Variants in FBXL7 observed in about 807,000 individuals in gnomAD.
The protein encoded by FBXL7 is F-box and leucine rich repeat protein 7.
Under a neutral mutation model 38.3 loss-of-function variants are expected in FBXL7, and 12 were observed. The observed-to-expected ratio is 0.31, with a 90% confidence interval of 0.20 to 0.51. The LOEUF (loss-of-function observed/expected upper bound fraction) is 0.51. FBXL7 is among the 20% of genes least tolerant of loss of function. The probability of loss-of-function intolerance (pLI) is 0.98; values close to 1 mark genes in which losing one functional copy is unlikely to be tolerated. For missense variants in FBXL7, 567 were observed against 676.4 expected, an observed-to-expected ratio of 0.84 and a Z score of 1.79; for synonymous variants, 297 against 300.9, an observed-to-expected ratio of 0.99 and a Z score of 0.13.
At chr5:15,511,098 C>CT (rs1736784728) in intron 1 of FBXL7, among the ~76,000 whole-genome samples, 1 of 152,198 alleles carries the variant, frequency 6.6e-6, no homozygotes, top group African/African-American at 2.4e-5. Flanking sequence ...ATTGCAGTGA[C>CT]TGAGAAGTGG....
chr5:15,686,483 T>A (rs1743020078), intron 2 of FBXL7, among the ~76,000 whole-genome samples: 2 of 152,198 alleles, frequency 1.3e-5, no homozygotes, highest in African/African-American at 4.8e-5. Flanking sequence ...TCACCCCATC[T>A]TGTTTGGAAA....
At chr5:15,705,975 C>T (rs948585893) in intron 2 of FBXL7, among the ~76,000 whole-genome samples, 1 of 151,896 alleles carries the variant, frequency 6.6e-6, no homozygotes, top group African/African-American at 2.4e-5. Flanking sequence ...AACAATTAAG[C>T]TCTGTGAAGA....
At chr5:15,817,930 A>T (rs1257003488) in intron 2 of FBXL7, among the ~76,000 whole-genome samples, 2 of 152,212 alleles carry the variant, frequency 1.3e-5, no homozygotes, top group Admixed American at 6.5e-5. Flanking sequence ...CCTTAGAGCA[A>T]TTCCATACAA....
At chr5:15,896,275 C>G (rs1741102013) in intron 2 of FBXL7, among the ~76,000 whole-genome samples, 1 of 152,154 alleles carries the variant, frequency 6.6e-6, no homozygotes, top group South Asian at 2.1e-4. Context: ...ATCCACCCAC[C>G]TCGTCTACTT....
chr5:15,746,603 A>C (rs1432422125), intron 2 of FBXL7, among the ~76,000 whole-genome samples: 1 of 151,888 alleles, frequency 6.6e-6, no homozygotes, highest in African/African-American at 2.4e-5. Flanking sequence ...CTTATGACCT[A>C]ATCACCTCCC....
Position 15,520,416 on chromosome 5 carries a change from A to G in FBXL7, c.37+19703A>G, listed in dbSNP as rs141070687. On this transcript the variant is annotated intron_variant, in intron 1 of 3. Transcript: ENST00000504595. ...ATAGTTCTAAAGTTGGCGGGGGAGA[A>G]TTTCATTGTTCTGAGAGCCCTCAAT... is the stretch of plus-strand genomic sequence containing the variant. Among the ~76,000 whole-genome samples, 213 of 152,326 alleles carry G rather than the reference A, an allele frequency of 1.4e-3. 1 individual carries two copies. The highest frequency in any genetic ancestry group is 5.1e-3 in the African/African-American group (211 of 41,578).
intron 2 of FBXL7, among the ~76,000 whole-genome samples, chr5:15,625,313 A>G (rs1028451960): frequency 3.3e-5 from 5 of 152,176 alleles, no homozygotes; most frequent in African/African-American, 1.2e-4. Context: ...AGTATATGTA[A>G]TAAAAAATTA....
At chr5:15,659,612 A>G (rs1157894768) in intron 2 of FBXL7, among the ~76,000 whole-genome samples, 1 of 152,256 alleles carries the variant, frequency 6.6e-6, no homozygotes, top group African/African-American at 2.4e-5. Context: ...AAGGATATTT[A>G]TCACAGCCCT....
At chr5:15,735,155 A>G (rs1053438960) in intron 2 of FBXL7, among the ~76,000 whole-genome samples, 1 of 151,208 alleles carries the variant, frequency 6.6e-6, no homozygotes, top group African/African-American at 2.4e-5. Context: ...CTGGTCTTGA[A>G]CTCCTGACCT....
At chr5:15,632,115 C>G (rs1232569171) in intron 2 of FBXL7, among the ~76,000 whole-genome samples, 1 of 152,062 alleles carries the variant, frequency 6.6e-6, no homozygotes, top group Non-Finnish European at 1.5e-5. Context: ...ATACAGGTTT[C>G]TTTTCTATTA....
At chr5:15,661,031 C>T (rs1012030454) in intron 2 of FBXL7, among the ~76,000 whole-genome samples, 1 of 152,156 alleles carries the variant, frequency 6.6e-6, no homozygotes, top group African/African-American at 2.4e-5. Context: ...AAGGAATTCA[C>T]CATTCCAAGG....
chr5:15,875,084 G>C (rs567637741), intron 2 of FBXL7, among the ~76,000 whole-genome samples: 6 of 152,168 alleles, frequency 3.9e-5, no homozygotes, highest in African/African-American at 1.2e-4. Context: ...CAATGGAACA[G>C]AACAGAGGCC....
intron 2 of FBXL7, among the ~76,000 whole-genome samples, chr5:15,920,796 C>T (rs1009600799): frequency 6.6e-6 from 1 of 152,148 alleles, no homozygotes; most frequent in African/African-American, 2.4e-5. Flanking sequence ...GCTGGAATTA[C>T]AGGTGTGAGG....
intron 2 of FBXL7, among the ~76,000 whole-genome samples, chr5:15,921,219 A>G (rs1220781648): frequency 6.6e-6 from 1 of 151,958 alleles, no homozygotes; most frequent in Non-Finnish European, 1.5e-5. Flanking sequence ...TATCTCTACT[A>G]AAAATACAAA....
chr5:15,925,006 T>G (rs1215737543), intron 2 of FBXL7, among the ~76,000 whole-genome samples: 6 of 152,176 alleles, frequency 3.9e-5, no homozygotes, highest in African/African-American at 1.4e-4. Context: ...GGCTTTCCTC[T>G]AACATTTTCT....
chr5:15,639,662 A>C (rs1409583378), intron 2 of FBXL7, among the ~76,000 whole-genome samples: 5 of 152,078 alleles, frequency 3.3e-5, no homozygotes, highest in Non-Finnish European at 7.3e-5. Flanking sequence ...TTCTCATTTG[A>C]GAAAATGGAG....
intron 2 of FBXL7, among the ~76,000 whole-genome samples, chr5:15,768,398 G>A (rs1736645273): frequency 2.0e-5 from 3 of 152,074 alleles, no homozygotes; most frequent in African/African-American, 7.2e-5. Flanking sequence ...TGGCGTGGTG[G>A]CAGGCACTTC....
intron 1 of FBXL7, among the ~76,000 whole-genome samples, chr5:15,564,462 A>G (rs17601178): frequency 0.031 from 4,727 of 151,752 alleles, 113 homozygotes; most frequent in South Asian, 0.049. Flanking sequence ...ATTTTCTCAA[A>G]CAAGACAGTA....
chr5:15,618,835 C>T (rs1263872694), intron 2 of FBXL7, among the ~76,000 whole-genome samples: 2 of 152,128 alleles, frequency 1.3e-5, no homozygotes, highest in East Asian at 3.9e-4. Context: ...CAGTCCTTGC[C>T]TCCTCAGAAG....
Sources: gnomAD v4.1 joint callset for allele counts (sites outside exome capture counted in the v4.1 genomes callset) on GRCh38, gnomAD v4.1.1 for gene constraint, MANE v1.5 for transcripts, NCBI Gene and HGNC (gene_info 2026-07-23, HGNC 2026-07-21) for gene names.